The following DYRK1A variants were observed in gnomAD, a reference collection of about 807,000 sequenced individuals.
The protein encoded by DYRK1A is dual specificity tyrosine phosphorylation regulated kinase 1A.
Under a neutral mutation model 79.7 loss-of-function variants are expected in DYRK1A, and 9 were observed. The ratio of observed to expected loss-of-function variants is 0.11; its 90% confidence interval spans 0.07 to 0.20. DYRK1A has a LOEUF of 0.20. DYRK1A is among the 10% of genes least tolerant of loss of function. The pLI is 1.00. For synonymous variants in DYRK1A, 349 were observed against 329.7 expected, an observed-to-expected ratio of 1.06 and a Z score of -0.63; for missense variants, 622 against 956.0, an observed-to-expected ratio of 0.65 and a Z score of 4.61.
chr21:37,373,425 T>C (rs1407070401), intron 1 of DYRK1A, among the ~76,000 whole-genome samples: 3 of 152,232 alleles, frequency 2.0e-5, no homozygotes, highest in Non-Finnish European at 4.4e-5. Flanking sequence ...TAAGCTTTCT[T>C]ATATGTACCA....
intron 2 of DYRK1A, among the ~76,000 whole-genome samples, chr21:37,460,898 C>T (rs2051816987): frequency 1.3e-5 from 2 of 151,980 alleles, no homozygotes; most frequent in South Asian, 4.2e-4. Context: ...TATATGTTAT[C>T]CTCTGTACAA....
At chr21:37,425,641 G>T (rs1415457959) in intron 2 of DYRK1A, 3 of 152,120 alleles carry the variant, frequency 2.0e-5, no homozygotes, top group African/African-American at 7.2e-5. Flanking sequence ...CTAAGTTCTA[G>T]GAAGATGACA....
chr21:37,373,016 A>C (rs2049463507), intron 1 of DYRK1A, among the ~76,000 whole-genome samples: 1 of 152,250 alleles, frequency 6.6e-6, no homozygotes, highest in Non-Finnish European at 1.5e-5. Flanking sequence ...CCATTTGGAC[A>C]GGAAGAAGTT....
chr21:37,511,606 T>C lies in DYRK1A; in HGVS notation c.1645-305T>C, dbSNP rs549543797. Among the ~76,000 whole-genome samples the C allele has an allele frequency of 1.1e-4, 16 of 152,316 alleles. 1 individual carries two copies. In the South Asian group the frequency reaches 1.7e-3, roughly 16 times the overall value. On this transcript the variant is annotated intron_variant, in intron 11 of 11. Transcript: ENST00000647188. Reference sequence around the variant, plus strand: ...CTGCCCAGAATACTGTCCAGCCCTTTTCAGGAAATATTTGCTGACCCCTGG... The same window carrying C: ...CTGCCCAGAATACTGTCCAGCCCTTCTCAGGAAATATTTGCTGACCCCTGG...
chr21:37,397,997 T>TG (rs2049986024), intron 1 of DYRK1A, among the ~76,000 whole-genome samples: 1 of 151,058 alleles, frequency 6.6e-6, no homozygotes, highest in African/African-American at 2.4e-5. Flanking sequence ...CAGCAAACTT[T>TG]GGGGGGCTGA....
At chr21:37,441,501 T>G (rs1026201878) in intron 2 of DYRK1A, among the ~76,000 whole-genome samples, 1 of 152,134 alleles carries the variant, frequency 6.6e-6, no homozygotes, top group African/African-American at 2.4e-5. Context: ...GCTTTTGGAT[T>G]GATTGAAATT....
intron 7 of DYRK1A, among the ~76,000 whole-genome samples, chr21:37,490,753 T>C (rs575049975): frequency 1.3e-5 from 2 of 152,028 alleles, no homozygotes; most frequent in African/African-American, 2.4e-5. Flanking sequence ...AAAATGCAAA[T>C]AGCAATACTT....
chr21:37,449,209 T>TTA (rs1247281472), intron 2 of DYRK1A, among the ~76,000 whole-genome samples: 2 of 152,196 alleles, frequency 1.3e-5, no homozygotes, highest in African/African-American at 4.8e-5. Flanking sequence ...TAATTATTTG[T>TTA]TATCATTTCT....
chr21:37,455,087 A>G (rs1308150397), intron 2 of DYRK1A, among the ~76,000 whole-genome samples: 1 of 149,424 alleles, frequency 6.7e-6, no homozygotes, highest in Non-Finnish European at 1.5e-5. Context: ...GGCAAAAAAC[A>G]GGCTCCCAGG....
intron 1 of DYRK1A, among the ~76,000 whole-genome samples, chr21:37,370,009 T>A (rs1376221308): frequency 6.6e-6 from 1 of 152,232 alleles, no homozygotes; most frequent in Non-Finnish European, 1.5e-5. Context: ...TGTTAAATTT[T>A]TTTTCCCCTC....
At chr21:37,500,643 G>A (rs962972119) in intron 9 of DYRK1A, among the ~76,000 whole-genome samples, 2 of 152,034 alleles carry the variant, frequency 1.3e-5, no homozygotes, top group African/African-American at 4.8e-5. Flanking sequence ...TATGTTTTTT[G>A]ATGAAAATAT....
At chr21:37,412,997 T>C (rs2835721) in intron 1 of DYRK1A, among the ~76,000 whole-genome samples, 28,326 of 152,090 alleles carry the variant, frequency 0.19, 2,892 homozygotes, top group East Asian at 0.36. Flanking sequence ...GGTCAGGGGA[T>C]AGAACCAGAG....
chr21:37,484,627 G>T (rs2052787341), intron 5 of DYRK1A, among the ~76,000 whole-genome samples: 1 of 151,992 alleles, frequency 6.6e-6, no homozygotes, highest in Non-Finnish European at 1.5e-5. Context: ...TGCTGTACAG[G>T]GCCTAATAGC....
intron 2 of DYRK1A, among the ~76,000 whole-genome samples, chr21:37,421,061 T>C (rs2050461426): frequency 6.6e-6 from 1 of 152,146 alleles, no homozygotes; most frequent in South Asian, 2.1e-4. Flanking sequence ...TCTGAAAATG[T>C]AGTGCAGCTA....
chr21:37,366,134 C>G (rs1229096307), upstream of DYRK1A: 1 of 151,678 alleles, frequency 6.6e-6, no homozygotes, highest in Non-Finnish European at 1.5e-5. Flanking sequence ...CGCGGACGGT[C>G]GCGGCCGCCG....
intron 1 of DYRK1A, among the ~76,000 whole-genome samples, chr21:37,412,280 G>A (rs930190498): frequency 2.0e-5 from 3 of 152,178 alleles, no homozygotes; most frequent in Admixed American, 6.5e-5. Context: ...AAGATCATAC[G>A]TTTCTAAATT....
At chr21:37,381,024 T>A (rs753896562) in intron 1 of DYRK1A, among the ~76,000 whole-genome samples, 1 of 152,264 alleles carries the variant, frequency 6.6e-6, no homozygotes, top group Admixed American at 6.5e-5. Flanking sequence ...TTACAGTTGA[T>A]AATTTTTTAG....
intron 2 of DYRK1A, among the ~76,000 whole-genome samples, chr21:37,430,622 G>A (rs2050751427): frequency 6.6e-6 from 1 of 152,198 alleles, no homozygotes; most frequent in African/African-American, 2.4e-5. Flanking sequence ...GGACTGACAG[G>A]CAGGCTTCAG....
At chr21:37,447,741 G>C (rs1385573460) in intron 2 of DYRK1A, among the ~76,000 whole-genome samples, 1 of 152,170 alleles carries the variant, frequency 6.6e-6, no homozygotes, top group African/African-American at 2.4e-5. Context: ...GATGGACATG[G>C]CAGGTGGGTG....
Sources: allele counts gnomAD v4.1 joint callset (sites outside exome capture counted in the v4.1 genomes callset), GRCh38; gene constraint gnomAD v4.1.1; transcripts MANE v1.5; gene names NCBI Gene and HGNC (gene_info 2026-07-23, HGNC 2026-07-21).